The following RASA2 variants were observed in gnomAD, a reference collection of about 807,000 sequenced individuals.
RASA2 encodes ras GTPase-activating protein 2.
Under a neutral mutation model 118.2 loss-of-function variants are expected in RASA2, and 155 were observed. That is an observed-to-expected ratio of 1.31 (90% CI 1.15 to 1.50). RASA2 has a LOEUF of 1.50. Ranked by LOEUF, RASA2 falls within the 40% of genes most tolerant of loss-of-function variation. RASA2 has a pLI of 0.00. For synonymous variants in RASA2, 353 were observed against 349.1 expected, an observed-to-expected ratio of 1.01 and a Z score of -0.12; for missense variants, 1,016 against 1,009.6, an observed-to-expected ratio of 1.01 and a Z score of -0.09.
chr3:141,551,331 C>T (rs1321768121), intron 5 of RASA2, among the ~76,000 whole-genome samples: 1 of 152,156 alleles, frequency 6.6e-6, no homozygotes, highest in Non-Finnish European at 1.5e-5. Flanking sequence ...CATGAATTAC[C>T]AGGTTTTCTA....
In RASA2 at chr3:141,608,494, C is replaced by G. The variant is rs1276778385; in HGVS notation, c.2022C>G (p.Phe674Leu). The part of the protein sequence containing the change: ...EESSFNKKNM[F>L]QVIHTEKPLY... ...TATCTTAATTGCCTATGAAGATGTT[C>G]CAAGTAATACATACGGAGAAACCAC... is the stretch of plus-strand genomic sequence containing the variant. Residue 674 changes from phenylalanine to leucine, a missense_variant, in exon 21 of 24, where the codon TTC becomes TTG. Transcript: ENST00000286364. The G allele has an allele frequency of 1.9e-6, 3 of 1,613,396 alleles. No homozygotes were observed. The highest frequency in any genetic ancestry group is 2.5e-6 in the Non-Finnish European group (3 of 1,179,522).
intron 1 of RASA2, among the ~76,000 whole-genome samples, chr3:141,502,151 A>T (rs1463749462): frequency 6.6e-6 from 1 of 152,202 alleles, no homozygotes; most frequent in African/African-American, 2.4e-5. Flanking sequence ...AATCTGAAAT[A>T]CTTCTGGTCC....
intron 20 of RASA2, 62 bp from the exon 21 acceptor site, chr3:141,608,427 T>C (rs1330315352): frequency 6.7e-7 from 1 of 1,494,026 alleles, no homozygotes; most frequent in Non-Finnish European, 9.3e-7. Context: ...TTCTTCTGTT[T>C]TGTACTGTGT....
intron 4 of RASA2, among the ~76,000 whole-genome samples, chr3:141,538,228 T>G (rs2082356886): frequency 6.6e-6 from 1 of 152,182 alleles, no homozygotes; most frequent in Admixed American, 6.5e-5. Context: ...TTCTAAAATG[T>G]TCACTGATTT....
chr3:141,509,055 A>G (rs2081911329), intron 1 of RASA2, among the ~76,000 whole-genome samples: 1 of 152,122 alleles, frequency 6.6e-6, no homozygotes, highest in Admixed American at 6.5e-5. Context: ...CTTTTTGATT[A>G]TGTTGTTTAT....
intron 2 of RASA2, among the ~76,000 whole-genome samples, chr3:141,513,269 A>T (rs2081980177): frequency 6.7e-6 from 1 of 148,830 alleles, no homozygotes; most frequent in Non-Finnish European, 1.5e-5. Flanking sequence ...TTATGTCTTT[A>T]TTTTCATTTT....
chr3:141,500,729 T>TA (rs1414443965), intron 1 of RASA2, among the ~76,000 whole-genome samples: 2 of 152,340 alleles, frequency 1.3e-5, no homozygotes, highest in East Asian at 3.9e-4. Flanking sequence ...TATTCATACT[T>TA]ACATGTATAT....
intron 19 of RASA2, among the ~76,000 whole-genome samples, chr3:141,592,192 G>A (rs1405236526): frequency 6.6e-6 from 1 of 152,126 alleles, no homozygotes; most frequent in African/African-American, 2.4e-5. Context: ...GTCTAACCAG[G>A]GAAGGCTTCA....
chr3:141,580,905 A>G (rs1403340055), intron 16 of RASA2, among the ~76,000 whole-genome samples, 195 bp from the exon 17 acceptor site: 1 of 152,074 alleles, frequency 6.6e-6, no homozygotes, highest in Non-Finnish European at 1.5e-5. Flanking sequence ...GAGGTGCAGG[A>G]CAGTCTGTCT....
chr3:141,566,383 G>A (rs987780933), intron 9 of RASA2, among the ~76,000 whole-genome samples: 5 of 152,172 alleles, frequency 3.3e-5, no homozygotes, highest in African/African-American at 1.2e-4. Context: ...AATACAGAGA[G>A]GATGAAGGAA....
At chr3:141,515,649 C>T (rs2082011506) in intron 2 of RASA2, among the ~76,000 whole-genome samples, 1 of 152,032 alleles carries the variant, frequency 6.6e-6, no homozygotes, top group Non-Finnish European at 1.5e-5. Flanking sequence ...CTCCTGTAAT[C>T]CCAGTACTTT....
Position 141,612,361 on chromosome 3 carries a change from G to A in RASA2, c.*48G>A. The A allele has an allele frequency of 6.8e-7, 1 of 1,465,182 alleles. No homozygotes were observed. The highest frequency in any genetic ancestry group is 9.4e-7 in the Non-Finnish European group (1 of 1,068,956). The allele number at this position is 1,465,182 out of a possible 1,614,324, so 90.8% of individuals were successfully genotyped here. Reference sequence around the variant, plus strand: ...GAACTGGAAAATATTATTTTTCTTGGAGCTTTTCAATTCATCATGTATTTT... The same window carrying A: ...GAACTGGAAAATATTATTTTTCTTGAAGCTTTTCAATTCATCATGTATTTT... On this transcript the variant is annotated 3_prime_UTR_variant, in exon 24 of 24. Transcript: ENST00000286364.
chr3:141,571,220 C>A (rs1221862951), intron 10 of RASA2, 152 bp downstream of exon 10: 3 of 1,200,474 alleles, frequency 2.5e-6, no homozygotes, highest in Non-Finnish European at 3.4e-6. Flanking sequence ...TTCTATTTAT[C>A]TGAACCAGAG....
intron 7 of RASA2, 101 bp from the exon 8 acceptor site, chr3:141,558,785 G>A: frequency 1.1e-6 from 1 of 934,328 alleles, no homozygotes; most frequent in South Asian, 1.5e-5. Context: ...ATTTTCCTCT[G>A]CTTTTATCCA....
chr3:141,532,785 C>G (rs978447971), intron 4 of RASA2, among the ~76,000 whole-genome samples: 46 of 152,068 alleles, frequency 3.0e-4, no homozygotes, highest in Non-Finnish European at 5.7e-4. Context: ...TGCCCTGACT[C>G]AGTACAGCAA....
intron 14 of RASA2, among the ~76,000 whole-genome samples, chr3:141,575,700 C>T (rs73869671): frequency 0.022 from 3,293 of 152,112 alleles, 129 homozygotes; most frequent in African/African-American, 0.074. Context: ...ATACTCTATA[C>T]TAACTGGTGA....
At chr3:141,515,310 A>G (rs2151083257) in intron 2 of RASA2, among the ~76,000 whole-genome samples, 2 of 152,292 alleles carry the variant, frequency 1.3e-5, no homozygotes, top group East Asian at 3.9e-4. Flanking sequence ...GGTATTATGT[A>G]TTGTAAATAA....
Position 141,591,750 on chromosome 3 carries a change from G to T in RASA2, c.1933+4998G>T, listed in dbSNP as rs375712999. On this transcript the variant is annotated intron_variant, in intron 19 of 23. Transcript: ENST00000286364. ...TTAAATGCCCTAGCTTATATAGCCAGCCCTACCCTAGCTCATATAGCCAGT... is the reference window on the plus strand; with the variant it reads ...TTAAATGCCCTAGCTTATATAGCCATCCCTACCCTAGCTCATATAGCCAGT... Among the ~76,000 whole-genome samples, 7 of 151,202 alleles carry T rather than the reference G, an allele frequency of 4.6e-5. No homozygotes were observed. In the East Asian group the frequency reaches 9.6e-4, roughly 21 times the overall value.
chr3:141,512,284 G>T lies in RASA2; in HGVS notation c.251+4G>T, dbSNP rs1027742822. The T allele has an allele frequency of 3.2e-6, 5 of 1,547,326 alleles. No homozygotes were observed. The highest frequency in any genetic ancestry group is 2.8e-5 in the African/African-American group (2 of 71,144). On this transcript the variant is annotated splice_donor_region_variant and intron_variant, in intron 2 of 23. Coordinates refer to ENST00000286364, the MANE Select transcript of RASA2 (RefSeq NM_006506.5). Reference sequence around the variant, plus strand: ...AAGTTGTGGAAAAATCTTTAAGGTTGGTAGAAAAAATTGGTAAATTATAAT... The same window carrying T: ...AAGTTGTGGAAAAATCTTTAAGGTTTGTAGAAAAAATTGGTAAATTATAAT...
Sources: gnomAD v4.1 joint callset for allele counts (sites outside exome capture counted in the v4.1 genomes callset) on GRCh38, gnomAD v4.1.1 for gene constraint, MANE v1.5 for transcripts, NCBI Gene and HGNC (gene_info 2026-07-23, HGNC 2026-07-21) for gene names.